Variants in PKDREJ observed in about 807,000 individuals in gnomAD.
PKDREJ encodes the protein polycystin family receptor for egg jelly, also known as PKD and REJ homolog.
For missense variants in PKDREJ, 2,507 were observed against 2,807.2 expected, an observed-to-expected ratio of 0.89 and a Z score of 2.42; for synonymous variants, 1,031 against 1,095.5, an observed-to-expected ratio of 0.94 and a Z score of 1.16.
Position 46,262,986 on chromosome 22 carries a change from C to T in PKDREJ, c.337G>A (p.Val113Ile). The T allele has an allele frequency of 9.3e-7, 1 of 1,075,566 alleles. No homozygotes were observed. The allele number at this position is 1,075,566 out of a possible 1,614,324, so 66.6% of individuals were successfully genotyped here. A position where few individuals can be genotyped will look rare whatever the true frequency, so the allele number is the denominator to read the frequency against. ...PWPAAPALAL[V>I]DLQLSARGGR... ...CCGCGCGCGGAGAGCTGCAGGTCGA[C>T]GAGCGCGAGCGCGGGCGCGGCCGGC... Residue 113 changes from valine to isoleucine, a missense_variant, in exon 1 of 1, where the codon GTC becomes ATC. Transcript: ENST00000253255. This position sits in a 1 kb window ranked among gnomAD's most constrained non-coding sequence, Gnocchi z 8.1.
rs756051880 is a variant in PKDREJ, at chr22:46,262,538, A to G, written c.785T>C (p.Phe262Ser). 1.9e-6 allele frequency: 3 copies of G among 1,591,610 alleles called. No individual in the cohort carries two copies. The highest frequency in any genetic ancestry group is 1.7e-6 in the Non-Finnish European group (2 of 1,168,168). The change falls in exon 1 of 1, where the codon TTC becomes TCC. Residue 262 changes from phenylalanine (F) to serine (S), a missense_variant. Coordinates refer to ENST00000253255, the MANE Select transcript of PKDREJ (RefSeq NM_006071.2). This position sits in a 1 kb window ranked among gnomAD's most constrained non-coding sequence, Gnocchi z 8.1. ...CGCCTGACCCACGGCGGGCACGGAG[A>G]ACACCTGCCAGTACTGGGCGATGGC... Reference protein sequence around the residue: ...ARAIAQYWQVFSVPAVGQAPD... With the variant: ...ARAIAQYWQVSSVPAVGQAPD...
At position 46,262,564 on chromosome 22, in the gene PKDREJ, G is replaced by T. The variant is rs572770741; in HGVS notation, c.759C>A (p.Arg253=). 8.1e-6 allele frequency: 13 copies of T among 1,606,072 alleles called. No individual in the cohort carries two copies. In the East Asian group the frequency reaches 2.7e-4, roughly 33 times the overall value. The change falls in exon 1 of 1, where the codon CGC becomes CGA. Residue 253 remains arginine, a synonymous_variant. Transcript: ENST00000253255. This position sits in a 1 kb window ranked among gnomAD's most constrained non-coding sequence, Gnocchi z 8.1. ...ASVQLDCPAA[R]AIAQYWQVFS... ...ACACCTGCCAGTACTGGGCGATGGC[G>T]CGCGCGGCCGGGCAGTCCAGCTGCA... is the stretch of plus-strand genomic sequence containing the variant.
chr22:46,262,880 A>G lies in PKDREJ; in HGVS notation c.443T>C (p.Leu148Pro). ...GGCCGGGCGGGCGGCGCCGGGTCCGAGCAGCCGCAGGCGGAAGGCCCAGGC... is the reference window on the plus strand; with the variant it reads ...GGCCGGGCGGGCGGCGCCGGGTCCGGGCAGCCGCAGGCGGAAGGCCCAGGC... The part of the protein sequence containing the change: ...RLAWAFRLRL[L>P]GPGAARPASP... The change falls in exon 1 of 1, where the codon CTC (leucine) becomes CCC (proline). Residue 148 changes from leucine to proline, a missense_variant. Transcript: ENST00000253255. This position sits in a 1 kb window ranked among gnomAD's most constrained non-coding sequence, Gnocchi z 8.1. 9.2e-7 allele frequency: 1 copy of G among 1,083,188 alleles called. No homozygotes were observed. Among genetic ancestry groups the G allele is most frequent in the Non-Finnish European group, 1.1e-6 (1 of 892,974 alleles). 67.1% of individuals were successfully genotyped at this position (1,083,188 alleles called of 1,614,324 possible).
In PKDREJ at chr22:46,262,983, C is replaced by T; in HGVS notation, c.340G>A (p.Asp114Asn). 2 of 1,194,342 alleles carry T rather than the reference C, an allele frequency of 1.7e-6. No homozygotes were observed. The highest frequency in any genetic ancestry group is 2.1e-6 in the Non-Finnish European group (2 of 962,678). The allele number at this position is 1,194,342 out of a possible 1,614,324, so 74.0% of individuals were successfully genotyped here. Residue 114 changes from aspartate to asparagine, a missense_variant, in exon 1 of 1, where the codon GAC becomes AAC. Physicochemically the swap from Asp to Asn is conservative, Grantham distance 23. Coordinates refer to ENST00000253255, the MANE Select transcript of PKDREJ (RefSeq NM_006071.2). The surrounding 1 kb of genome is among the most constrained non-coding windows in gnomAD (Gnocchi z 8.1). ...CCGCCGCGCGCGGAGAGCTGCAGGT[C>T]GACGAGCGCGAGCGCGGGCGCGGCC... is the stretch of plus-strand genomic sequence containing the variant. ...WPAAPALALVDLQLSARGGRL... is the reference protein window; with the variant it reads ...WPAAPALALVNLQLSARGGRL...
rs1318165857 is a variant in PKDREJ at position 46,263,282 on chromosome 22, A to G, written c.41T>C (p.Leu14Pro). 3 of 1,466,228 alleles carry G rather than the reference A, an allele frequency of 2.0e-6. No individual in the cohort carries two copies. Among genetic ancestry groups the G allele is most frequent in the African/African-American group, 1.5e-5 (1 of 67,308 alleles). 90.8% of individuals were successfully genotyped at this position (1,466,228 alleles called of 1,614,324 possible). A position where few individuals can be genotyped will look rare whatever the true frequency, so the allele number is the denominator to read the frequency against. Residue 14 changes from leucine (L) to proline (P), a missense_variant, in exon 1 of 1, where the codon CTG becomes CCG. Coordinates refer to ENST00000253255, the MANE Select transcript of PKDREJ (RefSeq NM_006071.2). This position sits in a 1 kb window ranked among gnomAD's most constrained non-coding sequence, Gnocchi z 9.4. ...CGGGAGGCGGCCGACGCTCAGGCTC[A>G]GGCCCACGCCCAGAAGGAGGAGAGC... ...GPALLLLGVG[L>P]SLSVGRLPLP...
At position 46,261,273 on chromosome 22, in the gene PKDREJ, GTAAC is replaced by G. The variant is rs1376921078; in HGVS notation, c.2046_2049del (p.Gln682HisfsTer15). ...GAACTTGGTCCCACGGTGAAACTGAGTAACTGATTCAACACTGTCTTTGATGAAT... is the reference window on the plus strand; with the variant it reads ...GAACTTGGTCCCACGGTGAAACTGAGTGATTCAACACTGTCTTTGATGAAT... On this transcript the variant is annotated frameshift_variant, in exon 1 of 1. Transcript: ENST00000253255. LOFTEE classifies it low-confidence loss of function (END_TRUNC). The surrounding 1 kb of genome is among the most constrained non-coding windows in gnomAD (Gnocchi z 7.1). The G allele has an allele frequency of 1.2e-6, 2 of 1,614,016 alleles. No individual in the cohort carries two copies. The highest frequency in any genetic ancestry group is 1.7e-6 in the Non-Finnish European group (2 of 1,180,014).
chr22:46,261,372 C>A lies in PKDREJ; in HGVS notation c.1951G>T (p.Val651Phe), dbSNP rs1936694832. 1 of 1,613,742 alleles carries A rather than the reference C, an allele frequency of 6.2e-7. No individual in the cohort carries two copies. Among genetic ancestry groups the A allele is most frequent in the Non-Finnish European group, 8.5e-7 (1 of 1,180,006 alleles). ...GAAAAAGCTCCTAGAGAATCATAGA[C>A]CTGGGCATATATCTTCAAGCCATAT... ...SQYGLKIYAQ[V>F]YDSLGAFSQV... Residue 651 changes from valine to phenylalanine, a missense_variant, in exon 1 of 1, where the codon GTC becomes TTC. Coordinates refer to ENST00000253255, the MANE Select transcript of PKDREJ (RefSeq NM_006071.2). The surrounding 1 kb of genome is among the most constrained non-coding windows in gnomAD (Gnocchi z 7.1).
At position 46,257,104 on chromosome 22, in the gene PKDREJ, G is replaced by A. The variant is rs1419342429; in HGVS notation, c.6219C>T (p.Tyr2073=). The part of the protein sequence containing the change: ...LKTLRYSRFF[Y]DVRLAQRAIQ... ...TGGCCCTCTGAGCCAGGCGCACATCGTAGAAGAATCTGGAATACCTGAGGG... is the reference window on the plus strand; with the variant it reads ...TGGCCCTCTGAGCCAGGCGCACATCATAGAAGAATCTGGAATACCTGAGGG... The change falls in exon 1 of 1, where the codon TAC becomes TAT. Residue 2073 remains tyrosine, a synonymous_variant. Transcript: ENST00000253255. The surrounding 1 kb of genome is among the most constrained non-coding windows in gnomAD (Gnocchi z 4.7). The A allele has an allele frequency of 5.6e-6, 9 of 1,613,938 alleles. No homozygotes were observed. Among genetic ancestry groups the A allele is most frequent in the East Asian group, 2.2e-5 (1 of 44,890 alleles).
At position 46,258,024 on chromosome 22, in the gene PKDREJ, C is replaced by T. The variant is rs752383459; in HGVS notation, c.5299G>A (p.Val1767Met). The change falls in exon 1 of 1, where the codon GTG becomes ATG. Residue 1767 changes from valine (V) to methionine (M), a missense_variant. Coordinates refer to ENST00000253255, the MANE Select transcript of PKDREJ (RefSeq NM_006071.2). This position sits in a 1 kb window ranked among gnomAD's most constrained non-coding sequence, Gnocchi z 6.1. The stretch of plus-strand genomic sequence containing the variant: ...TCATTGTGTAACAAAGGCAACAGCA[C>T]GCTGTTTAGCCATCTATAGATGTCT... The part of the protein sequence containing the change: ...LEDIYRWLNS[V>M]LLPLLHNDLN... 32 of 1,613,718 alleles carry T rather than the reference C, an allele frequency of 2.0e-5. No homozygotes were observed. Among genetic ancestry groups the T allele is most frequent in the Admixed American group, 8.3e-5 (5 of 60,006 alleles).
rs745758322 is a variant in PKDREJ, at chr22:46,262,155, G to A, written c.1168C>T (p.Arg390Ter). 8 of 1,614,074 alleles carry A rather than the reference G, an allele frequency of 5.0e-6. No individual in the cohort carries two copies. Among genetic ancestry groups the A allele is most frequent in the South Asian group, 2.2e-5 (2 of 91,084 alleles). The change falls in exon 1 of 1, where the codon CGA (arginine) becomes TGA (stop). Residue 390 changes from arginine (R) to a stop codon, truncating the protein, a stop_gained. Coordinates refer to ENST00000253255, the MANE Select transcript of PKDREJ (RefSeq NM_006071.2). LOFTEE classifies it low-confidence loss of function (END_TRUNC). The surrounding 1 kb of genome is among the most constrained non-coding windows in gnomAD (Gnocchi z 8.1). ...ACTTCCTTGCTCCCCAGGATTATTCGATCCCCACCGTAGTTTCTGGGATCT... is the reference window on the plus strand; with the variant it reads ...ACTTCCTTGCTCCCCAGGATTATTCAATCCCCACCGTAGTTTCTGGGATCT... Reference protein sequence around the residue: ...TTDPRNYGGDRIILGSKEVCH... With the variant: ...TTDPRNYGGD
Position 46,258,862 on chromosome 22 carries a change from G to A in PKDREJ, c.4461C>T (p.Tyr1487=), listed in dbSNP as rs141748832. Residue 1487 remains tyrosine (Y), a synonymous_variant, in exon 1 of 1, where the codon TAC becomes TAT. Coordinates refer to ENST00000253255, the MANE Select transcript of PKDREJ (RefSeq NM_006071.2). This position sits in a 1 kb window ranked among gnomAD's most constrained non-coding sequence, Gnocchi z 6.1. ...WEEYLRKWHA[Y]ETAKVHPREV... Reference sequence around the variant, plus strand: ...CCCTGGGGTGCACCTTAGCAGTTTCGTAAGCATGCCACTTTCTCAAGTATT... The same window carrying A: ...CCCTGGGGTGCACCTTAGCAGTTTCATAAGCATGCCACTTTCTCAAGTATT... 402 of 1,614,090 alleles carry A rather than the reference G, an allele frequency of 2.5e-4. No individual in the cohort carries two copies. The highest frequency in any genetic ancestry group is 1.5e-3 in the African/African-American group (114 of 75,018).
Position 46,258,969 on chromosome 22 carries a change from G to T in PKDREJ, c.4354C>A (p.Gln1452Lys), listed in dbSNP as rs1936664480. 6.2e-7 allele frequency: 1 copy of T among 1,614,112 alleles called. No individual in the cohort carries two copies. Among genetic ancestry groups the T allele is most frequent in the Non-Finnish European group, 8.5e-7 (1 of 1,179,998 alleles). Residue 1452 changes from glutamine (Q) to lysine (K), a missense_variant, in exon 1 of 1, where the codon CAG (glutamine) becomes AAG (lysine). Gln to Lys is a moderately conservative substitution (Grantham distance 53). Transcript: ENST00000253255. This position sits in a 1 kb window ranked among gnomAD's most constrained non-coding sequence, Gnocchi z 6.1. ...TTTAGATCCGCTTGAGGTTTCCTCT[G>T]GGAACAGGTGAACAAAAAAGTTATT... ...LLITFLFTCS[Q>K]RKPQADLKEV...
In PKDREJ at chr22:46,256,840, G is replaced by A. The variant is rs6008362; in HGVS notation, c.6483C>T (p.Cys2161=). ...FLSSFMLVMI[C]VLINLFQAVI... ...CAGCCTGAAATAAGTTGATCAAGAC[G>A]CAGATCATCACCAGCATGAAAGATG... The change falls in exon 1 of 1, where the codon TGC becomes TGT. Residue 2161 remains cysteine (C), a synonymous_variant. Transcript: ENST00000253255. The surrounding 1 kb of genome is among the most constrained non-coding windows in gnomAD (Gnocchi z 5.3). The A allele has an allele frequency of 0.16, 256,303 of 1,613,608 alleles. 28,637 individuals carry two copies. The highest frequency in any genetic ancestry group is 0.58 in the African/African-American group (43,786 of 74,952).
At position 46,261,047 on chromosome 22, in the gene PKDREJ, A is replaced by T; in HGVS notation, c.2276T>A (p.Ile759Asn). 6.2e-7 allele frequency: 1 copy of T among 1,614,180 alleles called. No homozygotes were observed. The highest frequency in any genetic ancestry group is 1.3e-5 in the African/African-American group (1 of 75,056). The change falls in exon 1 of 1, where the codon ATT (isoleucine) becomes AAT (asparagine). Residue 759 changes from isoleucine (I) to asparagine (N), a missense_variant. By Grantham distance (149) the Ile-to-Asn change is moderately radical. Coordinates refer to ENST00000253255, the MANE Select transcript of PKDREJ (RefSeq NM_006071.2). This position sits in a 1 kb window ranked among gnomAD's most constrained non-coding sequence, Gnocchi z 7.1. ...LVEIGQVVMT[I>N]TKLTQKPSEF... ...AGAGGGTTTCTGGGTTAATTTGGTA[A>T]TAGTCATGACTACCTGGCCAATTTC...
rs1364752662 is a variant in PKDREJ, at chr22:46,259,799, T to C, written c.3524A>G (p.Asn1175Ser). The change falls in exon 1 of 1, where the codon AAC becomes AGC. Residue 1175 changes from asparagine (N) to serine (S), a missense_variant. Asn to Ser is a conservative substitution (Grantham distance 46). Coordinates refer to ENST00000253255, the MANE Select transcript of PKDREJ (RefSeq NM_006071.2). This position sits in a 1 kb window ranked among gnomAD's most constrained non-coding sequence, Gnocchi z 6.8. ...GTTTTGGTGAAGGCTCTTGATGATG[T>C]TTAACCGTAGATCCACAGGATTAGG... ...VIPNPVDLRL[N>S]IIKSLHQNPV... 12 of 1,614,020 alleles carry C rather than the reference T, an allele frequency of 7.4e-6. No individual in the cohort carries two copies. Among genetic ancestry groups the C allele is most frequent in the Non-Finnish European group, 1.0e-5 (12 of 1,180,024 alleles).
Position 46,258,291 on chromosome 22 carries a change from C to A in PKDREJ, c.5032G>T (p.Val1678Phe). 2 of 1,614,174 alleles carry A rather than the reference C, an allele frequency of 1.2e-6. No homozygotes were observed. Among genetic ancestry groups the A allele is most frequent in the Non-Finnish European group, 1.7e-6 (2 of 1,180,020 alleles). ...EEMQRIHDQIVRIRGTRMYQP... is the reference protein window; with the variant it reads ...EEMQRIHDQIFRIRGTRMYQP... ...TACATCCTCGTGCCTCGGATTCGGA[C>A]GATCTGGTCATGTATCCTCTGCATT... Residue 1678 changes from valine (V) to phenylalanine (F), a missense_variant, in exon 1 of 1, where the codon GTC (valine) becomes TTC (phenylalanine). Coordinates refer to ENST00000253255, the MANE Select transcript of PKDREJ (RefSeq NM_006071.2). The surrounding 1 kb of genome is among the most constrained non-coding windows in gnomAD (Gnocchi z 6.1).
In PKDREJ at chr22:46,257,696, T is replaced by C. The variant is rs1222304984; in HGVS notation, c.5627A>G (p.Tyr1876Cys). The C allele has an allele frequency of 3.1e-6, 5 of 1,614,074 alleles. No homozygotes were observed. Among genetic ancestry groups the C allele is most frequent in the Non-Finnish European group, 4.2e-6 (5 of 1,180,032 alleles). The stretch of plus-strand genomic sequence containing the variant: ...ATAGAGTGCATATCCTCCAGATCCA[T>C]AGGTGTGTAGTAGTCCATAGGAATA... ...LYYSYGLLHT[Y>C]GSGGYALYFF... is the part of the protein sequence containing the mutation. The change falls in exon 1 of 1, where the codon TAT becomes TGT. Residue 1876 changes from tyrosine to cysteine, a missense_variant. Tyr to Cys is a radical substitution (Grantham distance 194, BLOSUM62 -2). Coordinates refer to ENST00000253255, the MANE Select transcript of PKDREJ (RefSeq NM_006071.2). This position sits in a 1 kb window ranked among gnomAD's most constrained non-coding sequence, Gnocchi z 4.7.
At position 46,257,180 on chromosome 22, in the gene PKDREJ, T is replaced by C. The variant is rs750098239; in HGVS notation, c.6143A>G (p.His2048Arg). The change falls in exon 1 of 1, where the codon CAC becomes CGC. Residue 2048 changes from histidine to arginine, a missense_variant. Transcript: ENST00000253255. This position sits in a 1 kb window ranked among gnomAD's most constrained non-coding sequence, Gnocchi z 4.7. ...IPFHAVSQVDHIMRIILGFLL... is the reference protein window; with the variant it reads ...IPFHAVSQVDRIMRIILGFLL... ...GAAACCCAAAATTATCCTCATAATGTGATCTACCTGAGAAACTGCATGAAA... is the reference window on the plus strand; with the variant it reads ...GAAACCCAAAATTATCCTCATAATGCGATCTACCTGAGAAACTGCATGAAA... 6.2e-7 allele frequency: 1 copy of C among 1,614,006 alleles called. No individual in the cohort carries two copies. The highest frequency in any genetic ancestry group is 2.2e-5 in the East Asian group (1 of 44,888).
rs766868761 is a variant in PKDREJ at position 46,262,291 on chromosome 22, G to C, written c.1032C>G (p.Ala344=). The C allele has an allele frequency of 2.3e-5, 37 of 1,614,052 alleles. No homozygotes were observed. The Middle Eastern group carries it at 4.9e-4, about 22-fold the overall frequency. Reference sequence around the variant, plus strand: ...GCTCTGTGAAATTAGCTGTTATGTTGGCATCGCCAAGCATCACCGCCTGCA... The same window carrying C: ...GCTCTGTGAAATTAGCTGTTATGTTCGCATCGCCAAGCATCACCGCCTGCA... The part of the protein sequence containing the change: ...SSLQAVMLGD[A]NITANFTEQL... Residue 344 remains alanine, a synonymous_variant, in exon 1 of 1, where the codon GCC becomes GCG. Transcript: ENST00000253255. The surrounding 1 kb of genome is among the most constrained non-coding windows in gnomAD (Gnocchi z 8.1).
Sources: gnomAD v4.1 joint callset for allele counts on GRCh38, gnomAD v4.1.1 for gene constraint, Gnocchi (gnomAD v3.1) non-coding constraint, MANE v1.5 for transcripts, NCBI Gene and HGNC (gene_info 2026-07-23, HGNC 2026-07-21) for gene names.